The following COL21A1 variants were observed in gnomAD, a reference collection of about 807,000 sequenced individuals.
COL21A1 encodes the protein collagen alpha-1(XXI) chain.
COL21A1 carries 149 observed loss-of-function variants against 137.9 expected under a neutral mutation model. That is an observed-to-expected ratio of 1.08 (90% CI 0.95 to 1.24). The LOEUF is 1.24. Among genes scored for constraint, COL21A1 ranks in the 50% most tolerant of loss-of-function variants. The pLI, the probability that COL21A1 is intolerant of heterozygous loss-of-function variation, is 0.00. For synonymous variants in COL21A1, 456 were observed against 391.5 expected (o/e 1.16, Z -1.95); for missense variants, 1,167 against 1,158.4 (o/e 1.01, Z -0.11).
At chr6:56,230,287 G>A (rs1781475473) in intron 1 of COL21A1, among the ~76,000 whole-genome samples, 2 of 151,822 alleles carry the variant, frequency 1.3e-5, no homozygotes, top group Non-Finnish European at 1.5e-5. Flanking sequence ...AAAGAACTCA[G>A]TCAACATTTT....
chr6:56,375,135 A>AAGAGAAAGAATGTTAGAGAC (rs2093996831), intron 1 of COL21A1, among the ~76,000 whole-genome samples: 2 of 152,306 alleles, frequency 1.3e-5, no homozygotes, highest in South Asian at 4.1e-4. Flanking sequence ...AAAGGGGAAA[A>AAGAGAAAGAATGTTAGAGAC]AGAGAAAGAA....
chr6:56,179,188 A>G lies in COL21A1; in HGVS notation c.640+390T>C, dbSNP rs185441302. Among the ~76,000 whole-genome samples the G allele has an allele frequency of 1.8e-3, 274 of 152,146 alleles. 4 individuals are homozygous for G. Among genetic ancestry groups the G allele is most frequent in the Non-Finnish European group, 1.3e-3 (85 of 67,926 alleles). On this transcript the variant is annotated intron_variant, in intron 3 of 29. Transcript: ENST00000244728. ...ACACACTGGGGAAAAAAGGAAAAAAACTAGAATGTAAAGTACAGAAAAACT... is the reference window on the plus strand; with the variant it reads ...ACACACTGGGGAAAAAAGGAAAAAAGCTAGAATGTAAAGTACAGAAAAACT...
At chr6:56,137,471 T>C (rs1441373727) in intron 12 of COL21A1, among the ~76,000 whole-genome samples, 1 of 152,174 alleles carries the variant, frequency 6.6e-6, no homozygotes, top group Non-Finnish European at 1.5e-5. Context: ...TATGGGAAAC[T>C]ATTTTAATCC....
intron 1 of COL21A1, among the ~76,000 whole-genome samples, chr6:56,313,338 A>T (rs2152339914): frequency 6.6e-6 from 1 of 152,184 alleles, no homozygotes; most frequent in East Asian, 1.9e-4. Context: ...TAGTGAACAC[A>T]TTACCTAGCT....
At chr6:56,325,991 T>TC (rs1267673194) in intron 1 of COL21A1, among the ~76,000 whole-genome samples, 758 of 24,894 alleles carry the variant, frequency 0.03, 145 homozygotes, top group East Asian at 0.29. Flanking sequence ...ATAATATATG[T>TC]ATATACATAC....
chr6:56,342,692 AAT>A (rs1765497653), intron 1 of COL21A1, among the ~76,000 whole-genome samples: 1 of 152,234 alleles, frequency 6.6e-6, no homozygotes, highest in Non-Finnish European at 1.5e-5. Flanking sequence ...TGGAAAAAGA[AAT>A]TCAAAATTAA....
intron 1 of COL21A1, among the ~76,000 whole-genome samples, chr6:56,234,981 T>A (rs181606864): frequency 1.3e-5 from 2 of 151,848 alleles, no homozygotes; most frequent in Non-Finnish European, 2.9e-5. Context: ...TACTGAAACA[T>A]CTTATTTCCT....
chr6:56,067,273 TA>T (rs747239277), intron 23 of COL21A1, 21 bp downstream of exon 23: 100 of 1,584,788 alleles, frequency 6.3e-5, no homozygotes, highest in South Asian at 1.2e-4. Flanking sequence ...CTCAGCCTAC[TA>T]AAAAAAAGCA....
intron 1 of COL21A1, among the ~76,000 whole-genome samples, chr6:56,314,178 T>A (rs1582774514): frequency 6.6e-6 from 1 of 152,066 alleles, no homozygotes; most frequent in African/African-American, 2.4e-5. Flanking sequence ...AGAGGCAGGG[T>A]TTCACCATGT....
intron 1 of COL21A1, among the ~76,000 whole-genome samples, chr6:56,391,645 C>G (rs192687281): frequency 6.6e-6 from 1 of 151,956 alleles, no homozygotes; most frequent in South Asian, 2.1e-4. Flanking sequence ...TATTAGAGAC[C>G]ATTATGAGCA....
chr6:56,114,565 T>C (rs7773402), intron 16 of COL21A1, among the ~76,000 whole-genome samples: 71,612 of 142,302 alleles, frequency 0.5, 16,091 homozygotes, highest in East Asian at 0.73. Context: ...AAAAAACACA[T>C]GAAAAAATGC....
chr6:56,171,042 C>T lies in COL21A1; in HGVS notation c.727G>A (p.Val243Ile). The change falls in exon 4 of 30, where the codon GTT becomes ATT. Residue 243 changes from valine to isoleucine, a missense_variant. Coordinates refer to ENST00000244728, the MANE Select transcript of COL21A1 (RefSeq NM_030820.4). ...GGTGAAAGCTGTATTCTTTTCTTAA[C>T]CTTTTTATTTACATCTAAACCTAAA... ...ILLGLDVNKK[V>I]KKRIQLSPKK... is the part of the protein sequence containing the mutation. 2 of 1,607,214 alleles carry T rather than the reference C, an allele frequency of 1.2e-6. No homozygotes were observed. The highest frequency in any genetic ancestry group is 4.5e-5 in the East Asian group (2 of 44,768).
intron 1 of COL21A1, among the ~76,000 whole-genome samples, chr6:56,266,799 A>G (rs1763404278): frequency 6.6e-6 from 1 of 152,252 alleles, no homozygotes; most frequent in Non-Finnish European, 1.5e-5. Flanking sequence ...TTTATTCTTT[A>G]AAGAATGTAT....
chr6:56,263,194 T>C (rs1312074543), intron 1 of COL21A1, among the ~76,000 whole-genome samples: 1 of 152,218 alleles, frequency 6.6e-6, no homozygotes, highest in Non-Finnish European at 1.5e-5. Flanking sequence ...ACTTGTTGAA[T>C]GAATGAATTA....
At chr6:56,068,989 A>G (rs973233096) in intron 22 of COL21A1, 57 bp downstream of exon 22, 5 of 1,187,184 alleles carry the variant, frequency 4.2e-6, no homozygotes, top group Admixed American at 2.2e-5. Context: ...CACAAAAGAA[A>G]AACTTGTTTG....
chr6:56,096,545 C>T (rs1338896159), intron 17 of COL21A1, among the ~76,000 whole-genome samples: 3 of 152,268 alleles, frequency 2.0e-5, no homozygotes, highest in Admixed American at 1.3e-4. Flanking sequence ...TTAGGATTGA[C>T]AAATACTAGC....
At chr6:56,091,562 C>T (rs999950999) in intron 17 of COL21A1, 3 of 152,606 alleles carry the variant, frequency 2.0e-5, no homozygotes, top group African/African-American at 7.2e-5. Flanking sequence ...GATCTCAGCT[C>T]ACAGTAGAAC....
intron 12 of COL21A1, among the ~76,000 whole-genome samples, chr6:56,128,500 A>T (rs190211837): frequency 6.6e-6 from 1 of 152,232 alleles, no homozygotes; most frequent in East Asian, 1.9e-4. Context: ...GTGCCATTTC[A>T]TTGGATGCTG....
chr6:56,351,711 T>A (rs1765714954), intron 1 of COL21A1, among the ~76,000 whole-genome samples: 1 of 152,230 alleles, frequency 6.6e-6, no homozygotes, highest in African/African-American at 2.4e-5. Flanking sequence ...CAGGCCTCTT[T>A]GAAGTCTGTA....
Sources: gnomAD v4.1 joint callset for allele counts (sites outside exome capture counted in the v4.1 genomes callset) on GRCh38, gnomAD v4.1.1 for gene constraint, MANE v1.5 for transcripts, NCBI Gene and HGNC (gene_info 2026-07-23, HGNC 2026-07-21) for gene names.